ERC2: variants seen among roughly 807,000 people sequenced by gnomAD.
The protein encoded by ERC2 is ELKS/RAB6-interacting/CAST family member 2.
ERC2 carries 42 observed loss-of-function variants against 114.8 expected under a neutral mutation model. That is an observed-to-expected ratio of 0.37 (90% confidence interval 0.29 to 0.47). The LOEUF is 0.47. ERC2 is among the 20% of genes least tolerant of loss of function. ERC2 has a pLI of 0.99. For synonymous variants in ERC2, 454 were observed against 425.5 expected (o/e 1.07, Z -0.82); for missense variants, 939 against 1,150.7 (o/e 0.82, Z 2.66).
At chr3:55,547,338 A>G (rs989496782) in intron 17 of ERC2, among the ~76,000 whole-genome samples, 8 of 152,208 alleles carry the variant, frequency 5.3e-5, no homozygotes, top group Non-Finnish European at 1.2e-4. Flanking sequence ...CCAGCGGGCC[A>G]TGTTTGCAGC....
chr3:56,086,225 G>A, intron 6 of ERC2, among the ~76,000 whole-genome samples: 1 of 152,116 alleles, frequency 6.6e-6, no homozygotes, highest in East Asian at 1.9e-4. Flanking sequence ...CCCAAGCCCA[G>A]AAGAGATAAA....
chr3:55,542,088 G>C (rs73077437), intron 17 of ERC2, among the ~76,000 whole-genome samples: 2,958 of 152,276 alleles, frequency 0.019, 46 homozygotes, highest in Non-Finnish European at 0.032. Context: ...GAAAATCTAA[G>C]AATCTATCTA....
At chr3:56,011,570 A>T (rs2149573657) in intron 8 of ERC2, among the ~76,000 whole-genome samples, 1 of 152,048 alleles carries the variant, frequency 6.6e-6, no homozygotes, top group Non-Finnish European at 1.5e-5. Context: ...TTTTCCAAAA[A>T]TAGGGAATCT....
intron 4 of ERC2, among the ~76,000 whole-genome samples, chr3:56,164,827 G>T (rs2082243274): frequency 6.6e-6 from 1 of 151,926 alleles, no homozygotes; most frequent in Non-Finnish European, 1.5e-5. Flanking sequence ...GTTTTGATTG[G>T]CATTTCCCTA....
At chr3:56,210,854 T>C (rs2150121691) in intron 3 of ERC2, among the ~76,000 whole-genome samples, 1 of 152,294 alleles carries the variant, frequency 6.6e-6, no homozygotes, top group African/African-American at 2.4e-5. Context: ...ACTTTTAATC[T>C]TCACAGCAAC....
chr3:55,979,803 G>C (rs552525996), intron 12 of ERC2, among the ~76,000 whole-genome samples: 1 of 151,974 alleles, frequency 6.6e-6, no homozygotes, highest in East Asian at 1.9e-4. Context: ...TCAATTAGCT[G>C]TGCATGGTGG....
In ERC2 at chr3:55,510,671, C is replaced by G. The variant is rs1382459189; in HGVS notation, c.*645G>C. 3 of 152,600 alleles carry G rather than the reference C, an allele frequency of 2.0e-5. No individual in the cohort carries two copies. Among genetic ancestry groups the G allele is most frequent in the Non-Finnish European group, 4.4e-5 (3 of 68,032 alleles). The allele number at this position is 152,600 out of a possible 1,614,324, so 9.5% of individuals were successfully genotyped here. On this transcript the variant is annotated 3_prime_UTR_variant, in exon 18 of 18. Transcript: ENST00000288221. Reference sequence around the variant, plus strand: ...CTGGTTACACCCTCAAAATGCGGTTCTTCAAACAACAGATTAAAGAAATAG... The same window carrying G: ...CTGGTTACACCCTCAAAATGCGGTTGTTCAAACAACAGATTAAAGAAATAG...
Position 55,786,058 on chromosome 3 carries a change from AT to A in ERC2, c.2565-51141del, listed in dbSNP as rs897484969. ...CCTGTACATCTGTTTTAGATGTGGG[AT>A]TTTTTTTCAATTCGTCATTTGAATT... On this transcript the variant is annotated intron_variant, in intron 14 of 17. Coordinates refer to ENST00000288221, the MANE Select transcript of ERC2 (RefSeq NM_015576.3). Among the ~76,000 whole-genome samples the A allele has an allele frequency of 4.6e-5, 7 of 152,032 alleles. No homozygotes were observed. The South Asian group carries it at 1.2e-3, about 27-fold the overall frequency.
At chr3:55,650,951 A>G (rs1408343984) in intron 17 of ERC2, among the ~76,000 whole-genome samples, 2 of 150,110 alleles carry the variant, frequency 1.3e-5, no homozygotes, top group Admixed American at 6.6e-5. Context: ...GGTTCAACCA[A>G]TTCTCCCTGC....
chr3:56,030,633 T>C (rs2074322340), intron 7 of ERC2, among the ~76,000 whole-genome samples: 1 of 152,208 alleles, frequency 6.6e-6, no homozygotes, highest in Non-Finnish European at 1.5e-5. Context: ...ATAGCCATTC[T>C]TGCATTTTAA....
chr3:55,666,670 C>T (rs979084956), intron 17 of ERC2, among the ~76,000 whole-genome samples: 10 of 151,960 alleles, frequency 6.6e-5, no homozygotes, highest in Non-Finnish European at 1.5e-4. Flanking sequence ...TATTGGCATC[C>T]AGTAGGTAGA....
At chr3:55,833,229 C>A (rs2060699994) in intron 14 of ERC2, among the ~76,000 whole-genome samples, 2 of 150,344 alleles carry the variant, frequency 1.3e-5, no homozygotes, top group African/African-American at 2.5e-5. Context: ...GCAAGGCAGA[C>A]CAACATTCAG....
At chr3:55,816,417 A>C (rs1379594237) in intron 14 of ERC2, among the ~76,000 whole-genome samples, 1 of 152,346 alleles carries the variant, frequency 6.6e-6, no homozygotes, top group East Asian at 1.9e-4. Flanking sequence ...ACCAATGTGC[A>C]CATCTTTAAC....
intron 2 of ERC2, among the ~76,000 whole-genome samples, chr3:56,303,082 C>A (rs2055992753): frequency 6.6e-6 from 1 of 152,218 alleles, no homozygotes; most frequent in Non-Finnish European, 1.5e-5. Flanking sequence ...CAGTTGTCTG[C>A]AAAGATTCAA....
chr3:55,828,417 C>CT (rs2060422514), intron 14 of ERC2, among the ~76,000 whole-genome samples: 2 of 136,498 alleles, frequency 1.5e-5, no homozygotes, highest in Admixed American at 1.4e-4. Flanking sequence ...TTTGTTCTTC[C>CT]TTTTTTCTCC....
At chr3:56,387,729 T>C (rs2059984821) in intron 2 of ERC2, among the ~76,000 whole-genome samples, 1 of 152,210 alleles carries the variant, frequency 6.6e-6, no homozygotes, top group African/African-American at 2.4e-5. Context: ...AGAATATCAT[T>C]GCCCTTCTTT....
intron 17 of ERC2, among the ~76,000 whole-genome samples, chr3:55,587,798 A>G (rs1430746732): frequency 6.6e-6 from 1 of 152,176 alleles, no homozygotes; most frequent in East Asian, 1.9e-4. Context: ...AGCTATTCAC[A>G]TGTACTATCC....
chr3:56,225,638 A>G (rs1049195567), intron 3 of ERC2, among the ~76,000 whole-genome samples: 2 of 152,100 alleles, frequency 1.3e-5, no homozygotes, highest in African/African-American at 4.8e-5. Context: ...CCAAACCGAA[A>G]TCCTAAATTA....
chr3:56,266,997 T>A (rs2053351808), intron 3 of ERC2, among the ~76,000 whole-genome samples: 1 of 152,150 alleles, frequency 6.6e-6, no homozygotes, highest in Non-Finnish European at 1.5e-5. Flanking sequence ...GATAAATGGA[T>A]AAAGGAACAC....
Sources: gnomAD v4.1 joint callset for allele counts (sites outside exome capture counted in the v4.1 genomes callset) on GRCh38, gnomAD v4.1.1 for gene constraint, MANE v1.5 for transcripts, NCBI Gene and HGNC (gene_info 2026-07-23, HGNC 2026-07-21) for gene names.